AGBL4: variants seen among roughly 807,000 people sequenced by gnomAD.
The protein encoded by AGBL4 is cytosolic carboxypeptidase 6.
Under a neutral mutation model 66.4 loss-of-function variants are expected in AGBL4, and 58 were observed. The observed-to-expected ratio is 0.87, with a 90% CI of 0.71 to 1.09. The LOEUF is 1.09. Among genes scored for constraint, AGBL4 ranks in the 50% least tolerant of loss-of-function variants. AGBL4 has a pLI of 0.00. For synonymous variants in AGBL4, 234 were observed against 222.9 expected (o/e 1.05, Z -0.44); for missense variants, 579 against 631.0 (o/e 0.92, Z 0.88).
intron 3 of AGBL4, among the ~76,000 whole-genome samples, chr1:49,330,520 A>C (rs766389209): frequency 6.6e-6 from 1 of 152,250 alleles, no homozygotes; most frequent in Non-Finnish European, 1.5e-5. Context: ...TTTAGGCTCC[A>C]AGTCTAATAA....
At chr1:49,685,801 T>C (rs1319494811) in intron 3 of AGBL4, among the ~76,000 whole-genome samples, 1 of 152,222 alleles carries the variant, frequency 6.6e-6, no homozygotes, top group Non-Finnish European at 1.5e-5. Context: ...ATTTAGACCA[T>C]CGTCAAGTGC....
chr1:48,572,524 TTG>T (rs138059773), intron 11 of AGBL4, among the ~76,000 whole-genome samples: 1 of 150,234 alleles, frequency 6.7e-6, no homozygotes, highest in Non-Finnish European at 1.5e-5. Context: ...TATGTGCAAA[TTG>T]TGTGTGTGTG....
chr1:48,769,826 G>T (rs1010299462), intron 6 of AGBL4, among the ~76,000 whole-genome samples: 1 of 152,158 alleles, frequency 6.6e-6, no homozygotes, highest in African/African-American at 2.4e-5. Context: ...GGAACTCAGA[G>T]ATGTGAAGTA....
At chr1:49,588,424 C>CTCGAGACA (rs1644691304) in intron 3 of AGBL4, among the ~76,000 whole-genome samples, 1 of 152,148 alleles carries the variant, frequency 6.6e-6, no homozygotes, top group South Asian at 2.1e-4. Context: ...TGAGCAGACA[C>CTCGAGACA]TTAGAGAATG....
At chr1:49,693,957 T>G (rs143457401) in intron 3 of AGBL4, among the ~76,000 whole-genome samples, 48 of 152,300 alleles carry the variant, frequency 3.2e-4, no homozygotes, top group African/African-American at 1.1e-3. Context: ...AAATGCACTA[T>G]TGAGCAACTA....
intron 1 of AGBL4, among the ~76,000 whole-genome samples, chr1:50,022,186 T>C (rs1341163171): frequency 6.6e-6 from 1 of 152,208 alleles, no homozygotes; most frequent in Non-Finnish European, 1.5e-5. Context: ...GTTCTAGACA[T>C]GTGGTATTGA....
intron 11 of AGBL4, among the ~76,000 whole-genome samples, chr1:48,553,372 G>A (rs536570629): frequency 6.6e-6 from 1 of 152,302 alleles, no homozygotes; most frequent in East Asian, 1.9e-4. Context: ...TGAGACTGAA[G>A]ACCAAAGTAA....
chr1:49,224,068 G>A (rs1463412489), intron 4 of AGBL4, among the ~76,000 whole-genome samples: 3 of 152,208 alleles, frequency 2.0e-5, no homozygotes, highest in African/African-American at 7.2e-5. Flanking sequence ...CTAAAGGACA[G>A]TTGAGAGGAT....
At position 48,775,021 on chromosome 1, in the gene AGBL4, C is replaced by T. The variant is rs534989875; in HGVS notation, c.634+92170G>A. On this transcript the variant is annotated intron_variant, in intron 6 of 13. Transcript: ENST00000371839. ...TAAGGTTACAACCTAGTTATAACTT[C>T]CTCAAGCCTATCGTCTTGGGAAATA... is the stretch of plus-strand genomic sequence containing the variant. Among the ~76,000 whole-genome samples the T allele has an allele frequency of 1.7e-3, 264 of 152,344 alleles. 1 individual carries two copies. Among genetic ancestry groups the T allele is most frequent in the Middle Eastern group, 6.8e-3 (2 of 294 alleles).
At chr1:49,498,515 T>G (rs1421117415) in intron 3 of AGBL4, among the ~76,000 whole-genome samples, 1 of 151,806 alleles carries the variant, frequency 6.6e-6, no homozygotes, top group Non-Finnish European at 1.5e-5. Flanking sequence ...AATTATCTTT[T>G]TAAAGGCTAA....
intron 1 of AGBL4, chr1:49,865,971 A>T (rs1224045476): frequency 2.6e-6 from 1 of 384,602 alleles, no homozygotes; most frequent in Non-Finnish European, 5.3e-6. Context: ...AACCACAAGT[A>T]TCAACAACCT....
chr1:49,881,169 C>T (rs922790685), intron 1 of AGBL4, among the ~76,000 whole-genome samples: 1 of 152,114 alleles, frequency 6.6e-6, no homozygotes, highest in African/African-American at 2.4e-5. Flanking sequence ...CCTATTTGGC[C>T]ATCTTGATGA....
intron 5 of AGBL4, among the ~76,000 whole-genome samples, chr1:48,887,045 G>A (rs1270493822): frequency 6.6e-6 from 1 of 152,136 alleles, no homozygotes; most frequent in African/African-American, 2.4e-5. Context: ...TTCCTAAAGA[G>A]AAGGACTCAG....
In AGBL4 at chr1:50,015,367, A is replaced by G. The variant is rs75866332; in HGVS notation, c.34+8396T>C. 2.0e-5 allele frequency among the ~76,000 whole-genome samples: 3 copies of G among 152,338 alleles called. No homozygotes were observed. The East Asian group carries it at 5.8e-4, about 29-fold the overall frequency. On this transcript the variant is annotated intron_variant, in intron 1 of 13. Coordinates refer to ENST00000371839, the MANE Select transcript of AGBL4 (RefSeq NM_032785.4). Reference sequence around the variant, plus strand: ...TGAAGGCAAGGACTTTTTATAATACATCTGTGAATTTCCAGAGTTTAGCAC... The same window carrying G: ...TGAAGGCAAGGACTTTTTATAATACGTCTGTGAATTTCCAGAGTTTAGCAC...
intron 9 of AGBL4, among the ~76,000 whole-genome samples, chr1:48,612,149 A>G (rs1254245443): frequency 6.6e-6 from 1 of 152,254 alleles, no homozygotes; most frequent in South Asian, 2.1e-4. Flanking sequence ...GTGGGAATCA[A>G]CTGCCTGGTT....
chr1:49,374,791 T>G (rs1644437649), intron 3 of AGBL4, among the ~76,000 whole-genome samples: 1 of 152,170 alleles, frequency 6.6e-6, no homozygotes, highest in Non-Finnish European at 1.5e-5. Context: ...ACCTCCTTCC[T>G]AAACCTTCAG....
intron 1 of AGBL4, among the ~76,000 whole-genome samples, chr1:49,924,476 A>G (rs1652570741): frequency 6.6e-6 from 1 of 152,194 alleles, no homozygotes; most frequent in Non-Finnish European, 1.5e-5. Flanking sequence ...ATCCAAATAT[A>G]AAATAAAAAG....
chr1:48,960,163 G>C (rs562819062), intron 5 of AGBL4, among the ~76,000 whole-genome samples: 2 of 152,212 alleles, frequency 1.3e-5, no homozygotes, highest in South Asian at 2.1e-4. Context: ...GAAGTGATGA[G>C]AGTGAATAGG....
intron 3 of AGBL4, among the ~76,000 whole-genome samples, chr1:49,381,813 T>A (rs370883538): frequency 8.4e-6 from 1 of 119,396 alleles, no homozygotes; most frequent in East Asian, 2.6e-4. Flanking sequence ...ACATGGACAC[T>A]GGAAGGGGAA....
Sources: gnomAD v4.1 joint callset for allele counts (sites outside exome capture counted in the v4.1 genomes callset) on GRCh38, gnomAD v4.1.1 for gene constraint, MANE v1.5 for transcripts, NCBI Gene and HGNC (gene_info 2026-07-23, HGNC 2026-07-21) for gene names.